The following ADGRL3 variants were observed in gnomAD, a reference collection of about 807,000 sequenced individuals.
The protein encoded by ADGRL3 is adhesion G protein-coupled receptor L3.
Under a neutral mutation model 153.5 loss-of-function variants are expected in ADGRL3, and 62 were observed. The ratio of observed to expected loss-of-function variants is 0.40; its 90% CI spans 0.33 to 0.50. ADGRL3 has a LOEUF of 0.50. ADGRL3 is among the 20% of genes least tolerant of loss of function. The pLI is 0.47. For missense variants in ADGRL3, 1,641 were observed against 1,859.4 expected (o/e 0.88, Z 2.16); for synonymous variants, 710 against 672.5 (o/e 1.06, Z -0.86).
At chr4:61,231,993 A>G (rs1750855332) in intron 1 of ADGRL3, among the ~76,000 whole-genome samples, 1 of 151,714 alleles carries the variant, frequency 6.6e-6, no homozygotes, top group South Asian at 2.1e-4. Flanking sequence ...CTAGATAGAT[A>G]AATTAGGAAA....
intron 4 of ADGRL3, among the ~76,000 whole-genome samples, chr4:61,522,287 T>G (rs929530970): frequency 6.6e-6 from 1 of 151,982 alleles, no homozygotes; most frequent in African/African-American, 2.4e-5. Context: ...TAACAAAGAG[T>G]AATCTCCCTG....
intron 2 of ADGRL3, among the ~76,000 whole-genome samples, chr4:61,496,863 C>T (rs1437440335): frequency 6.6e-6 from 1 of 151,394 alleles, no homozygotes; most frequent in Non-Finnish European, 1.5e-5. Flanking sequence ...ATGGCGTGAA[C>T]CCGGGAGGCG....
chr4:62,008,913 C>T (rs1476062846), intron 21 of ADGRL3, among the ~76,000 whole-genome samples: 1 of 152,048 alleles, frequency 6.6e-6, no homozygotes, highest in African/African-American at 2.4e-5. Flanking sequence ...CTTATGTTTA[C>T]ATTTGTTTAG....
chr4:61,817,513 G>A (rs1208045335), intron 9 of ADGRL3, among the ~76,000 whole-genome samples: 1 of 152,162 alleles, frequency 6.6e-6, no homozygotes, highest in Non-Finnish European at 1.5e-5. Context: ...ACTGAGAGCT[G>A]AACACTCATC....
chr4:61,857,282 G>A (rs553720566), intron 9 of ADGRL3, among the ~76,000 whole-genome samples: 1 of 151,834 alleles, frequency 6.6e-6, no homozygotes, highest in African/African-American at 2.4e-5. Flanking sequence ...AGGAGAAAAG[G>A]TTCTATAAGG....
At chr4:61,904,436 A>G (rs1276994672) in intron 11 of ADGRL3, among the ~76,000 whole-genome samples, 1 of 152,140 alleles carries the variant, frequency 6.6e-6, no homozygotes, top group Non-Finnish European at 1.5e-5. Context: ...GGTGTGAGCC[A>G]TTCGCCTGGC....
intron 1 of ADGRL3, among the ~76,000 whole-genome samples, chr4:61,253,307 A>G (rs1168145489): frequency 6.6e-6 from 1 of 152,218 alleles, no homozygotes; most frequent in Non-Finnish European, 1.5e-5. Flanking sequence ...CCAAATTCCA[A>G]AGATTCAGCA....
chr4:61,820,250 A>C (rs2097735964), intron 9 of ADGRL3, among the ~76,000 whole-genome samples: 1 of 152,162 alleles, frequency 6.6e-6, no homozygotes, highest in African/African-American at 2.4e-5. Flanking sequence ...CAAAGTTGAG[A>C]GATTCTGTTC....
chr4:61,485,173 A>C (rs1313556339), intron 2 of ADGRL3, among the ~76,000 whole-genome samples: 1 of 152,176 alleles, frequency 6.6e-6, no homozygotes, highest in Non-Finnish European at 1.5e-5. Context: ...GGTGCACCGT[A>C]CTGAGATGAG....
At chr4:61,498,835 A>G (rs1166164959) in intron 3 of ADGRL3, among the ~76,000 whole-genome samples, 2 of 152,170 alleles carry the variant, frequency 1.3e-5, no homozygotes, top group African/African-American at 4.8e-5. Flanking sequence ...AAACCTGGTA[A>G]ATTAAAGTCT....
At chr4:61,617,113 C>T (rs1157304555) in intron 5 of ADGRL3, among the ~76,000 whole-genome samples, 4 of 152,076 alleles carry the variant, frequency 2.6e-5, no homozygotes, top group Admixed American at 6.6e-5. Flanking sequence ...GGGGTCCCTT[C>T]GTAGGCATAG....
chr4:61,500,585 T>C (rs1225213833), intron 3 of ADGRL3, among the ~76,000 whole-genome samples: 1 of 152,188 alleles, frequency 6.6e-6, no homozygotes, highest in Non-Finnish European at 1.5e-5. Context: ...CAACATGTCC[T>C]CTGCTGACGT....
chr4:61,614,601 A>G (rs1014586643), intron 5 of ADGRL3, among the ~76,000 whole-genome samples: 1 of 152,114 alleles, frequency 6.6e-6, no homozygotes, highest in Non-Finnish European at 1.5e-5. Flanking sequence ...ATCAAATCTA[A>G]TAGAGAAAGA....
chr4:61,746,194 C>G (rs2096658340), intron 8 of ADGRL3, among the ~76,000 whole-genome samples: 1 of 152,126 alleles, frequency 6.6e-6, no homozygotes, highest in Non-Finnish European at 1.5e-5. Flanking sequence ...CAGGAGCACC[C>G]AGACTCATAA....
At chr4:61,796,600 G>T (rs1282003869) in intron 8 of ADGRL3, among the ~76,000 whole-genome samples, 1 of 152,122 alleles carries the variant, frequency 6.6e-6, no homozygotes, top group Non-Finnish European at 1.5e-5. Flanking sequence ...AAGACGAGAT[G>T]CCTGTTCTAA....
chr4:61,967,764 A>G (rs978123204), intron 17 of ADGRL3, among the ~76,000 whole-genome samples: 4 of 152,206 alleles, frequency 2.6e-5, no homozygotes, highest in Admixed American at 1.3e-4. Flanking sequence ...AAACACTATC[A>G]GGATTAATAG....
chr4:61,823,614 A>G (rs1196058546), intron 9 of ADGRL3, among the ~76,000 whole-genome samples: 1 of 152,210 alleles, frequency 6.6e-6, no homozygotes, highest in East Asian at 1.9e-4. Context: ...AAACTGAGAC[A>G]TAGAGAAGTT....
intron 9 of ADGRL3, among the ~76,000 whole-genome samples, chr4:61,835,337 G>GAAAAAAA (rs34440166): frequency 3.6e-4 from 12 of 33,064 alleles, no homozygotes; most frequent in East Asian, 1.5e-3. Context: ...TGGCAAGACT[G>GAAAAAAA]AAAAAAAAAA....
At chr4:61,299,891 T>A (rs1312781983) in intron 1 of ADGRL3, among the ~76,000 whole-genome samples, 1 of 152,188 alleles carries the variant, frequency 6.6e-6, no homozygotes, top group Non-Finnish European at 1.5e-5. Flanking sequence ...TAAAGTAGAA[T>A]ATACGCCATC....
Sources: allele counts gnomAD v4.1 joint callset (sites outside exome capture counted in the v4.1 genomes callset), GRCh38; gene constraint gnomAD v4.1.1; transcripts MANE v1.5; gene names NCBI Gene and HGNC (gene_info 2026-07-23, HGNC 2026-07-21).